Variants in OR9A4 observed in about 807,000 individuals in gnomAD.
OR9A4 encodes olfactory receptor 9A4.
A neutral mutation model predicts 17.1 loss-of-function variants in OR9A4; 16 were observed. That is an observed-to-expected ratio of 0.94 (90% CI 0.64 to 1.43). The LOEUF (loss-of-function observed/expected upper bound fraction) is 1.43, where lower values mean the gene tolerates loss of function less well. Ranked by LOEUF, OR9A4 falls within the 40% of genes most tolerant of loss-of-function variation. The pLI is 0.00. For synonymous variants in OR9A4, 167 were observed against 143.3 expected (o/e 1.17, Z -1.18); for missense variants, 392 against 382.1 (o/e 1.03, Z -0.22).
At position 141,918,968 on chromosome 7, in the gene OR9A4, C is replaced by A; in HGVS notation, c.93C>A (p.Phe31Leu). 6.2e-7 allele frequency: 1 copy of A among 1,614,070 alleles called. No homozygotes were observed. The highest frequency in any genetic ancestry group is 1.1e-5 in the South Asian group (1 of 91,086). ...ATCATATCCTTTTTGCTATATTCTT[C>A]TTTTTCTACTTGGTGACATTAATGG... The part of the protein sequence containing the change: ...ELHHILFAIF[F>L]FFYLVTLMGN... The change falls in exon 2 of 2, where the codon TTC (phenylalanine) becomes TTA (leucine). Residue 31 changes from phenylalanine to leucine, a missense_variant. Coordinates refer to ENST00000641559, the MANE Select transcript of OR9A4 (RefSeq NM_001001656.3).
At position 141,919,139 on chromosome 7, in the gene OR9A4, G is replaced by A. The variant is rs267601323; in HGVS notation, c.264G>A (p.Gly88=). Residue 88 remains glycine (G), a synonymous_variant, in exon 2 of 2, where the codon GGG becomes GGA. Coordinates refer to ENST00000641559, the MANE Select transcript of OR9A4 (RefSeq NM_001001656.3). ...PVMLWGLLLP[G]MQTIYLSACV... ...TGCTTTGGGGATTGCTGCTCCCTGG[G>A]ATGCAGACAATATATTTGTCTGCCT... The A allele has an allele frequency of 1.9e-6, 3 of 1,613,990 alleles. No homozygotes were observed. Among genetic ancestry groups the A allele is most frequent in the Non-Finnish European group, 2.5e-6 (3 of 1,180,036 alleles).
In OR9A4 at chr7:141,919,085, C is replaced by T; in HGVS notation, c.210C>T (p.Ile70=). 2 of 1,614,120 alleles carry T rather than the reference C, an allele frequency of 1.2e-6. No individual in the cohort carries two copies. The highest frequency in any genetic ancestry group is 1.7e-6 in the Non-Finnish European group (2 of 1,179,990). The stretch of plus-strand genomic sequence containing the variant: ...TCGGCCACCTCTCTGCCCTGGAGAT[C>T]CTGGTCACAACCATAATCGTCCCCG... ...FFLGHLSALE[I]LVTTIIVPVM... Residue 70 remains isoleucine (I), a synonymous_variant, in exon 2 of 2, where the codon ATC becomes ATT. Coordinates refer to ENST00000641559, the MANE Select transcript of OR9A4 (RefSeq NM_001001656.3).
In OR9A4 at chr7:141,919,518, A is replaced by G. The variant is rs782207737; in HGVS notation, c.643A>G (p.Ile215Val). The change falls in exon 2 of 2, where the codon ATT becomes GTT. Residue 215 changes from isoleucine (I) to valine (V), a missense_variant. Coordinates refer to ENST00000641559, the MANE Select transcript of OR9A4 (RefSeq NM_001001656.3). ...TCTCTTTGGTTCTTTGATCCCTACAATTGTCTCCAACGCCTACATCATCTC... is the reference window on the plus strand; with the variant it reads ...TCTCTTTGGTTCTTTGATCCCTACAGTTGTCTCCAACGCCTACATCATCTC... ...FVLFGSLIPTIVSNAYIISTI... is the reference protein window; with the variant it reads ...FVLFGSLIPTVVSNAYIISTI... 13 of 1,613,888 alleles carry G rather than the reference A, an allele frequency of 8.1e-6. No homozygotes were observed. The highest frequency in any genetic ancestry group is 2.7e-5 in the African/African-American group (2 of 74,838).
Position 141,919,773 on chromosome 7 carries a change from G to T in OR9A4, c.898G>T (p.Ala300Ser). 1 of 1,614,120 alleles carries T rather than the reference G, an allele frequency of 6.2e-7. No homozygotes were observed. Among genetic ancestry groups the T allele is most frequent in the Non-Finnish European group, 8.5e-7 (1 of 1,179,992 alleles). The part of the protein sequence containing the change: ...FTLRNDKVIE[A>S]LRDGVKRCCQ... ...CCTCCGGAATGATAAAGTCATAGAG[G>T]CCCTTCGGGATGGGGTGAAACGCTG... The change falls in exon 2 of 2, where the codon GCC becomes TCC. Residue 300 changes from alanine (A) to serine (S), a missense_variant. Coordinates refer to ENST00000641559, the MANE Select transcript of OR9A4 (RefSeq NM_001001656.3).
chr7:141,920,379 G>T lies in OR9A4; in HGVS notation c.*559G>T, dbSNP rs1245924853. ...GAAGAAAAGTGAAACAGGAATGAAA[G>T]GGAATATCTCTTGCAGGAGTGTTGA... On this transcript the variant is annotated 3_prime_UTR_variant, in exon 2 of 2. Transcript: ENST00000641559. The T allele has an allele frequency of 6.6e-6, 1 of 152,278 alleles. No individual in the cohort carries two copies. The highest frequency in any genetic ancestry group is 6.5e-5 in the Admixed American group (1 of 15,272). The allele number at this position is 152,278 out of a possible 1,614,324, so 9.4% of individuals were successfully genotyped here.
At chr7:141,917,258 A>G (rs924447140) in intron 1 of OR9A4, among the ~76,000 whole-genome samples, 1 of 152,196 alleles carries the variant, frequency 6.6e-6, no homozygotes, top group Non-Finnish European at 1.5e-5. Context: ...GAGGATAATT[A>G]GTATGAAAAA....
rs1554438992 is a variant in OR9A4, at chr7:141,918,869, G to C, written c.-7G>C. On this transcript the variant is annotated 5_prime_UTR_variant, in exon 2 of 2. Transcript: ENST00000641559. ...AGATTTCACAAGGAACAAGGGCTTAGAACTAAATGTTGATGAATTACTCTA... is the reference window on the plus strand; with the variant it reads ...AGATTTCACAAGGAACAAGGGCTTACAACTAAATGTTGATGAATTACTCTA... 3.8e-6 allele frequency: 6 copies of C among 1,588,126 alleles called. No individual in the cohort carries two copies. The highest frequency in any genetic ancestry group is 3.4e-5 in the Admixed American group (2 of 59,010).
At chr7:141,916,845 G>A (rs1313189904) in intron 1 of OR9A4, among the ~76,000 whole-genome samples, 3 of 152,138 alleles carry the variant, frequency 2.0e-5, no homozygotes, top group Non-Finnish European at 4.4e-5. Context: ...CTATGCTGGC[G>A]AGAGGCACAA....
rs1173304808 is a variant in OR9A4, at chr7:141,919,175, G to A, written c.300G>A (p.Gln100=). 2 of 1,614,008 alleles carry A rather than the reference G, an allele frequency of 1.2e-6. No homozygotes were observed. The highest frequency in any genetic ancestry group is 1.7e-6 in the Non-Finnish European group (2 of 1,180,038). ...QTIYLSACVV[Q]LFLYLAVGTT... Reference sequence around the variant, plus strand: ...TATATTTGTCTGCCTGTGTTGTCCAGCTCTTCTTGTACCTTGCTGTGGGGA... The same window carrying A: ...TATATTTGTCTGCCTGTGTTGTCCAACTCTTCTTGTACCTTGCTGTGGGGA... The change falls in exon 2 of 2, where the codon CAG becomes CAA. Residue 100 remains glutamine (Q), a synonymous_variant. Transcript: ENST00000641559.
Position 141,920,030 on chromosome 7 carries a change from C to T in OR9A4, c.*210C>T, listed in dbSNP as rs1477605538. On this transcript the variant is annotated 3_prime_UTR_variant, in exon 2 of 2. Coordinates refer to ENST00000641559, the MANE Select transcript of OR9A4 (RefSeq NM_001001656.3). The stretch of plus-strand genomic sequence containing the variant: ...TCTATTATTTTTAAGACATGTCTTG[C>T]TATCTAGCTATCTATCTATCATCTG... 2.1e-6 allele frequency: 1 copy of T among 475,856 alleles called. No individual in the cohort carries two copies. Among genetic ancestry groups the T allele is most frequent in the Non-Finnish European group, 3.7e-6 (1 of 270,254 alleles). The allele number at this position is 475,856 out of a possible 1,614,324, so 29.5% of individuals were successfully genotyped here.
In OR9A4 at chr7:141,919,718, A is replaced by G. The variant is rs1457052182; in HGVS notation, c.843A>G (p.Val281=). 1.7e-5 allele frequency: 28 copies of G among 1,614,162 alleles called. No individual in the cohort carries two copies. The highest frequency in any genetic ancestry group is 2.4e-5 in the Non-Finnish European group (28 of 1,180,026). The change falls in exon 2 of 2, where the codon GTA becomes GTG. Residue 281 remains valine (V), a synonymous_variant. Transcript: ENST00000641559. ...NWVVSLMVSV[V]TPFLNPFIFT... is the part of the protein sequence containing the mutation. Reference sequence around the variant, plus strand: ...TAGTTTCCCTGATGGTTTCAGTAGTAACTCCTTTCCTCAATCCTTTCATCT... The same window carrying G: ...TAGTTTCCCTGATGGTTTCAGTAGTGACTCCTTTCCTCAATCCTTTCATCT...
rs549081180 is a variant in OR9A4, at chr7:141,916,556, C to T, written c.-111C>T. ...CTGTTCCTGTCTCCTGAGCATAGCTCAGCACTAGGTGAGCGAGAGATAGCC... is the reference window on the plus strand; with the variant it reads ...CTGTTCCTGTCTCCTGAGCATAGCTTAGCACTAGGTGAGCGAGAGATAGCC... On this transcript the variant is annotated 5_prime_UTR_variant, in exon 1 of 2. An upstream open reading frame in the 5' UTR gains an earlier in-frame stop. Transcript: ENST00000641559. The T allele has an allele frequency of 1.3e-5, 2 of 152,376 alleles. No individual in the cohort carries two copies. Among genetic ancestry groups the T allele is most frequent in the South Asian group, 4.1e-4 (2 of 4,832 alleles). 9.4% of individuals were successfully genotyped at this position (152,376 alleles called of 1,614,324 possible).
Position 141,919,358 on chromosome 7 carries a change from T to C in OR9A4, c.483T>C (p.Tyr161=), listed in dbSNP as rs200152219. The change falls in exon 2 of 2, where the codon TAT becomes TAC. Residue 161 remains tyrosine, a synonymous_variant. Transcript: ENST00000641559. The part of the protein sequence containing the change: ...FGFLFQIWPV[Y]VMFQLTYCKS... ...TTCTTTTTCAAATCTGGCCGGTCTA[T>C]GTCATGTTTCAGCTTACTTACTGCA... 3 of 1,614,194 alleles carry C rather than the reference T, an allele frequency of 1.9e-6. No individual in the cohort carries two copies. The East Asian group carries it at 6.7e-5, about 36-fold the overall frequency.
rs1554439184 is a variant in OR9A4 at position 141,919,810 on chromosome 7, T to C, written c.935T>C (p.Phe312Ser). 1 of 1,609,624 alleles carries C rather than the reference T, an allele frequency of 6.2e-7. No individual in the cohort carries two copies. The highest frequency in any genetic ancestry group is 1.1e-5 in the South Asian group (1 of 90,808). Residue 312 changes from phenylalanine to serine, a missense_variant, in exon 2 of 2, where the codon TTC (phenylalanine) becomes TCC (serine). Transcript: ENST00000641559. ...RDGVKRCCQLFRN is the reference protein window; with the variant it reads ...RDGVKRCCQLSRN ...GGGGTGAAACGCTGCTGTCAACTAT[T>C]CAGGAATTAGCCTTGCTCTGAGGAC...
intron 1 of OR9A4, among the ~76,000 whole-genome samples, chr7:141,918,581 C>T (rs1314807404): frequency 1.5e-4 from 23 of 152,074 alleles, no homozygotes; most frequent in African/African-American, 5.6e-4. Context: ...GGCAGATGTC[C>T]AGTGTATTGA....
chr7:141,918,347 C>T (rs549176633), intron 1 of OR9A4, among the ~76,000 whole-genome samples: 3 of 152,292 alleles, frequency 2.0e-5, no homozygotes, highest in East Asian at 1.9e-4. Flanking sequence ...CCTGGTGATC[C>T]GCCTGCCTTG....
chr7:141,917,977 G>A (rs915710441), intron 1 of OR9A4, among the ~76,000 whole-genome samples: 6 of 152,200 alleles, frequency 3.9e-5, no homozygotes, highest in Non-Finnish European at 7.3e-5. Context: ...TTGTGACAAT[G>A]TCCTGGATAG....
Position 141,918,844 on chromosome 7 carries a change from A to G in OR9A4, c.-30-2A>G, listed in dbSNP as rs1316586660. Reference sequence around the variant, plus strand: ...GGTTGTTCTCTCTCTTTTGCTCTCTAGATTTCACAAGGAACAAGGGCTTAG... The same window carrying G: ...GGTTGTTCTCTCTCTTTTGCTCTCTGGATTTCACAAGGAACAAGGGCTTAG... On this transcript the variant is annotated splice_acceptor_variant, in intron 1 of 1. Transcript: ENST00000641559. LOFTEE classifies it low-confidence loss of function (5UTR_SPLICE). The G allele has an allele frequency of 1.4e-6, 2 of 1,481,340 alleles. No homozygotes were observed. Among genetic ancestry groups the G allele is most frequent in the Non-Finnish European group, 1.8e-6 (2 of 1,085,434 alleles). The allele number at this position is 1,481,340 out of a possible 1,614,324, so 91.8% of individuals were successfully genotyped here.
At position 141,919,612 on chromosome 7, in the gene OR9A4, C is replaced by A; in HGVS notation, c.737C>A (p.Thr246Asn). 1 of 1,614,218 alleles carries A rather than the reference C, an allele frequency of 6.2e-7. No individual in the cohort carries two copies. The highest frequency in any genetic ancestry group is 8.5e-7 in the Non-Finnish European group (1 of 1,180,048). ...KSFSTCASHF[T>N]CVVIGYGSCL... ...TTCTCCACTTGTGCCTCCCACTTCA[C>A]CTGTGTTGTGATTGGCTACGGCAGC... is the stretch of plus-strand genomic sequence containing the variant. Residue 246 changes from threonine (T) to asparagine (N), a missense_variant, in exon 2 of 2, where the codon ACC becomes AAC. By Grantham distance (65) the Thr-to-Asn change is moderately conservative. Transcript: ENST00000641559.
Sources: allele counts gnomAD v4.1 joint callset (sites outside exome capture counted in the v4.1 genomes callset), GRCh38; gene constraint gnomAD v4.1.1; transcripts MANE v1.5; gene names NCBI Gene and HGNC (gene_info 2026-07-23, HGNC 2026-07-21).